ZMYM2: variants seen among roughly 807,000 people sequenced by gnomAD.
The protein encoded by ZMYM2 is zinc finger MYM-type containing 2, also known as zinc finger MYM-type protein 2.
In ZMYM2, 56 loss-of-function variants were observed where a neutral mutation model predicts 162.8. The observed-to-expected ratio is 0.34, with a 90% CI of 0.28 to 0.43. ZMYM2 has a LOEUF of 0.43. ZMYM2 is among the 20% of genes least tolerant of loss of function. The pLI, the probability that ZMYM2 is intolerant of heterozygous loss-of-function variation, is 1.00. For missense variants in ZMYM2, 1,275 were observed against 1,621.8 expected (o/e 0.79, Z 3.67); for synonymous variants, 510 against 541.6 (o/e 0.94, Z 0.81).
chr13:20,016,721 T>C (rs57332606), intron 6 of ZMYM2, among the ~76,000 whole-genome samples: 15,497 of 152,232 alleles, frequency 0.1, 1,301 homozygotes, highest in African/African-American at 0.22. Flanking sequence ...GTTAATCTTA[T>C]TGAGAATTTC....
intron 2 of ZMYM2, among the ~76,000 whole-genome samples, chr13:19,965,623 G>C (rs1955685429): frequency 6.6e-6 from 1 of 152,124 alleles, no homozygotes; most frequent in Non-Finnish European, 1.5e-5. Flanking sequence ...TAGAACTAAG[G>C]AAAGGTTTGG....
At chr13:19,961,456 G>C (rs1489557923) in intron 2 of ZMYM2, among the ~76,000 whole-genome samples, 1 of 152,164 alleles carries the variant, frequency 6.6e-6, no homozygotes, top group Admixed American at 6.5e-5. Context: ...TAATGAGTTT[G>C]AAGTTCATCT....
At chr13:19,934,611 A>G in the ZMYM2 span, among the ~76,000 whole-genome samples, 1 of 151,750 alleles carries the variant, frequency 6.6e-6, no homozygotes, top group Non-Finnish European at 1.5e-5. Context: ...AGTTTTATGG[A>G]TATATTTTCT....
chr13:19,954,126 A>ATTTTTTATTTTTTTTTTTTTTTTT (rs1954471754), upstream of ZMYM2, among the ~76,000 whole-genome samples: 1 of 64,878 alleles, frequency 1.5e-5, no homozygotes, highest in Admixed American at 3.0e-4. Context: ...GCTATGTTTA[A>ATTTTTTATTTTTTTTTTTTTTTTT]TTTTTTTTTT....
At chr13:20,074,451 G>A (rs1957337403) in intron 21 of ZMYM2, among the ~76,000 whole-genome samples, 1 of 151,940 alleles carries the variant, frequency 6.6e-6, no homozygotes, top group Non-Finnish European at 1.5e-5. Context: ...GACCAGTCTG[G>A]TCTCGAACTC....
intron 21 of ZMYM2, among the ~76,000 whole-genome samples, chr13:20,075,786 ATTCTTC>A (rs1273660794): frequency 6.9e-6 from 1 of 145,042 alleles, no homozygotes; most frequent in African/African-American, 2.6e-5. Context: ...GGTTTAAGCA[ATTCTTC>A]TGCCTCAGCC....
intron 2 of ZMYM2, among the ~76,000 whole-genome samples, chr13:19,966,371 T>C (rs557812126): frequency 6.6e-6 from 1 of 151,630 alleles, no homozygotes; most frequent in South Asian, 2.1e-4. Context: ...CGACCTCAGG[T>C]TATCTACCTG....
At position 20,003,954 on chromosome 13, in the gene ZMYM2, C is replaced by T. The variant is rs1163779507; in HGVS notation, c.1133+819C>T. ...GTGAGCCACCATGCCCAGCCCTCTT[C>T]TGCTGTTTTTTGATCTAGCTTCACT... On this transcript the variant is annotated intron_variant, in intron 4 of 24. Coordinates refer to ENST00000610343, the MANE Select transcript of ZMYM2 (RefSeq NM_197968.4). Among the ~76,000 whole-genome samples, 3 of 151,920 alleles carry T rather than the reference C, an allele frequency of 2.0e-5. No individual in the cohort carries two copies. The East Asian group carries it at 5.8e-4, about 29-fold the overall frequency.
At chr13:20,085,319 A>G (rs371216415) in intron 24 of ZMYM2, among the ~76,000 whole-genome samples, 2 of 152,292 alleles carry the variant, frequency 1.3e-5, no homozygotes, top group East Asian at 1.9e-4. Flanking sequence ...CAGTAGTGTC[A>G]GGGTCTTCAG....
intron 13 of ZMYM2, 54 bp downstream of exon 13, chr13:20,051,652 A>G (rs919460255): frequency 4.0e-6 from 6 of 1,506,950 alleles, no homozygotes; most frequent in Non-Finnish European, 4.5e-6. Flanking sequence ...GTCTTTACGT[A>G]GTTTTGAATC....
chr13:19,965,296 C>T (rs1955644463), intron 2 of ZMYM2: 8 of 1,289,402 alleles, frequency 6.2e-6, no homozygotes, highest in South Asian at 1.3e-5. Context: ...GAATTGACAA[C>T]TAAATTTTTG....
At chr13:20,002,723 A>T in intron 3 of ZMYM2, 127 bp from the exon 4 acceptor site, 1 of 1,184,176 alleles carries the variant, frequency 8.4e-7, no homozygotes. Context: ...CCTCTCTGCT[A>T]TGTTGCTGTT....
At chr13:19,962,077 T>C (rs751816634) in intron 2 of ZMYM2, among the ~76,000 whole-genome samples, 2 of 152,218 alleles carry the variant, frequency 1.3e-5, no homozygotes, top group African/African-American at 2.4e-5. Context: ...TGGGCTTTTG[T>C]ATCTCATGTG....
chr13:19,921,329 A>G, the ZMYM2 span, among the ~76,000 whole-genome samples: 1 of 151,980 alleles, frequency 6.6e-6, no homozygotes, highest in Non-Finnish European at 1.5e-5. Context: ...TGGTAGAAAC[A>G]GGGTTTCACC....
At chr13:19,885,895 A>C in the ZMYM2 span, among the ~76,000 whole-genome samples, 175 of 114,806 alleles carry the variant, frequency 1.5e-3, 42 homozygotes, top group African/African-American at 5.3e-3. Flanking sequence ...ATATATGTGT[A>C]TACACATATA....
chr13:19,885,847 CAA>C, the ZMYM2 span, among the ~76,000 whole-genome samples: 117 of 23,142 alleles, frequency 5.1e-3, 28 homozygotes, highest in South Asian at 0.14. Flanking sequence ...AACTCTGTCT[CAA>C]AAAAAAAAAA....
chr13:20,011,582 T>A (rs1052546472), intron 6 of ZMYM2, among the ~76,000 whole-genome samples: 3 of 150,702 alleles, frequency 2.0e-5, no homozygotes, highest in Admixed American at 1.3e-4. Context: ...TGTTTTATTT[T>A]TTTTTTTTTT....
intron 12 of ZMYM2, among the ~76,000 whole-genome samples, chr13:20,050,346 C>T (rs1955207120): frequency 6.6e-6 from 1 of 151,840 alleles, no homozygotes; most frequent in Non-Finnish European, 1.5e-5. Flanking sequence ...TTGTAGAATT[C>T]CTCTTGAAAT....
rs943037884 is a variant in ZMYM2 at position 19,999,624 on chromosome 13, C to G, written c.848-3226C>G. The stretch of plus-strand genomic sequence containing the variant: ...TCAAGTGAAAGAAAACCTTACATTT[C>G]TTGCTTTAAATCAAAAGTTAGACCT... On this transcript the variant is annotated intron_variant, in intron 3 of 24. Transcript: ENST00000610343. 1.4e-4 allele frequency among the ~76,000 whole-genome samples: 22 copies of G among 152,254 alleles called. 1 individual carries two copies. The South Asian group carries it at 2.7e-3, about 19-fold the overall frequency.
Sources: gnomAD v4.1 joint callset for allele counts (sites outside exome capture counted in the v4.1 genomes callset) on GRCh38, gnomAD v4.1.1 for gene constraint, MANE v1.5 for transcripts, NCBI Gene and HGNC (gene_info 2026-07-23, HGNC 2026-07-21) for gene names.